The following RAB40B variants were observed in gnomAD, a reference collection of about 807,000 sequenced individuals.
The protein encoded by RAB40B is RAB40B, member RAS oncogene family.
A neutral mutation model predicts 24.0 loss-of-function variants in RAB40B; 21 were observed. The observed-to-expected ratio is 0.88, with a 90% CI of 0.62 to 1.26. The LOEUF is 1.26. Among genes scored for constraint, RAB40B ranks in the 50% most tolerant of loss-of-function variants. The pLI, the probability that RAB40B is intolerant of heterozygous loss-of-function variation, is 0.00. For missense variants in RAB40B, 348 were observed against 390.5 expected (o/e 0.89, Z 0.92); for synonymous variants, 167 against 169.8 (o/e 0.98, Z 0.13).
chr17:82,682,064 T>G (rs780172202), intron 1 of RAB40B, among the ~76,000 whole-genome samples: 27 of 151,982 alleles, frequency 1.8e-4, no homozygotes, highest in Non-Finnish European at 3.7e-4. Context: ...AGAAAAGGCA[T>G]GCAGATTAAA....
intron 1 of RAB40B, among the ~76,000 whole-genome samples, chr17:82,694,886 C>CA (rs1418143997): frequency 1.3e-5 from 2 of 151,456 alleles, no homozygotes; most frequent in East Asian, 1.9e-4. Flanking sequence ...TTCTCAGACA[C>CA]AAAAAAACAC....
At position 82,658,733 on chromosome 17, in the gene RAB40B, C is replaced by T. The variant is rs1321970211; in HGVS notation, c.343-20G>A. On this transcript the variant is annotated intron_variant, in intron 4 of 5. Coordinates refer to ENST00000571995, the MANE Select transcript of RAB40B (RefSeq NM_006822.3). Reference sequence around the variant, plus strand: ...GGCATGCTAGCGGGCAGGAGAAAGGCGAGGAGCATGGGTTACTTCAGTGAG... The same window carrying T: ...GGCATGCTAGCGGGCAGGAGAAAGGTGAGGAGCATGGGTTACTTCAGTGAG... 14 of 1,595,074 alleles carry T rather than the reference C, an allele frequency of 8.8e-6. No individual in the cohort carries two copies. The highest frequency in any genetic ancestry group is 1.7e-4 in the Middle Eastern group (1 of 5,964).
chr17:82,691,102 C>T (rs540315019), intron 1 of RAB40B, among the ~76,000 whole-genome samples: 23 of 152,340 alleles, frequency 1.5e-4, no homozygotes, highest in Admixed American at 7.2e-4. Context: ...GGTGTGTCCA[C>T]GCACCGTGTA....
In RAB40B at chr17:82,664,532, A is replaced by G. The variant is rs773717114; in HGVS notation, c.167T>C (p.Ile56Thr). 3 of 1,613,558 alleles carry G rather than the reference A, an allele frequency of 1.9e-6. No individual in the cohort carries two copies. The highest frequency in any genetic ancestry group is 1.7e-6 in the Non-Finnish European group (2 of 1,179,638). Residue 56 changes from isoleucine (I) to threonine (T), a missense_variant, in exon 2 of 6, where the codon ATC (isoleucine) becomes ACC (threonine). Physicochemically the swap from Ile to Thr is moderately conservative, Grantham distance 89 (BLOSUM62 -1). Coordinates refer to ENST00000571995, the MANE Select transcript of RAB40B (RefSeq NM_006822.3). The part of the protein sequence containing the change: ...PAGIDYKTTT[I>T]LLDGRRVKLQ... ...CTTCACCCGCCGCCCGTCCAGCAGG[A>G]TGGTGGTCGTCTTGTAGTCGATGCC...
At chr17:82,659,097 G>T in intron 4 of RAB40B, 1 of 261,750 alleles carries the variant, frequency 3.8e-6, no homozygotes. Context: ...TTTGGGCTCT[G>T]GCCTCCAGAA....
At position 82,675,822 on chromosome 17, in the gene RAB40B, T is replaced by TG. The variant is rs150990027; in HGVS notation, c.143-11267dup. On this transcript the variant is annotated intron_variant, in intron 1 of 5. Transcript: ENST00000571995. This position sits in a 1 kb window ranked among gnomAD's most constrained non-coding sequence, Gnocchi z 4.5. ...GGGGTTAGGTTTCAGCACCCGAATTTGGGGGGGTCACAAACATTCACTCTC... is the reference window on the plus strand; with the variant it reads ...GGGGTTAGGTTTCAGCACCCGAATTTGGGGGGGGTCACAAACATTCACTCTC... 0.01 allele frequency among the ~76,000 whole-genome samples: 1,566 copies of TG among 152,064 alleles called. 8 individuals carry two copies. The highest frequency in any genetic ancestry group is 0.031 in the Middle Eastern group (9 of 294).
At chr17:82,658,413 A>G (rs1008242660) in intron 5 of RAB40B, 78 bp downstream of exon 5, 23 of 1,495,610 alleles carry the variant, frequency 1.5e-5, no homozygotes, top group Non-Finnish European at 2.1e-5. Flanking sequence ...CGGGAGGCAG[A>G]CACTTATCCA....
At position 82,658,286 on chromosome 17, in the gene RAB40B, C is replaced by T. The variant is rs2046112471; in HGVS notation, c.566-152G>A. On this transcript the variant is annotated intron_variant, in intron 5 of 5. Coordinates refer to ENST00000571995, the MANE Select transcript of RAB40B (RefSeq NM_006822.3). ...GCAGCAAGCCCTGCCGCGACGTCCCCTCTGCCCACGTACAGATCCCAGGAG... is the reference window on the plus strand; with the variant it reads ...GCAGCAAGCCCTGCCGCGACGTCCCTTCTGCCCACGTACAGATCCCAGGAG... The T allele has an allele frequency of 3.4e-6, 4 of 1,167,174 alleles. No individual in the cohort carries two copies. In the South Asian group the frequency reaches 6.1e-5, roughly 18 times the overall value. The allele number at this position is 1,167,174 out of a possible 1,614,324, so 72.3% of individuals were successfully genotyped here.
intron 1 of RAB40B, among the ~76,000 whole-genome samples, chr17:82,680,129 G>A (rs892570321): frequency 6.6e-6 from 1 of 152,374 alleles, no homozygotes; most frequent in African/African-American, 2.4e-5. Flanking sequence ...CAGACCGGAG[G>A]CCTGGCAGGG....
At chr17:82,658,835 A>G (rs151142298) in intron 4 of RAB40B, 122 bp from the exon 5 acceptor site, 9,875 of 848,230 alleles carry the variant, frequency 0.012, 73 homozygotes, top group South Asian at 0.016. Context: ...GAACCTCAGC[A>G]TGGGACCTCG....
intron 1 of RAB40B, among the ~76,000 whole-genome samples, chr17:82,672,310 T>TCA (rs2046349440): frequency 7.6e-6 from 1 of 131,732 alleles, no homozygotes; most frequent in South Asian, 2.6e-4. Flanking sequence ...CTCCCTGTAC[T>TCA]GACACACCCC....
rs2046267697 is a variant in RAB40B at position 82,667,118 on chromosome 17, G to C, written c.143-2562C>G. ...TGTAGCCAGTGAGTGCCCAGAAACA[G>C]GCTCCTCTAAAAATGCGAGGCTGCG... On this transcript the variant is annotated intron_variant, in intron 1 of 5. Coordinates refer to ENST00000571995, the MANE Select transcript of RAB40B (RefSeq NM_006822.3). This position sits in a 1 kb window ranked among gnomAD's most constrained non-coding sequence, Gnocchi z 4.3. 2.0e-5 allele frequency among the ~76,000 whole-genome samples: 3 copies of C among 152,204 alleles called. No individual in the cohort carries two copies. In the South Asian group the frequency reaches 6.2e-4, roughly 31 times the overall value.
chr17:82,664,677 G>T lies in RAB40B; in HGVS notation c.143-121C>A. On this transcript the variant is annotated intron_variant, in intron 1 of 5. Transcript: ENST00000571995. ...CAACTTCCAGGTTTACAAGGCAGGC[G>T]GATGGGACCCCCTCCCTGTGTCTGC... The T allele has an allele frequency of 3.2e-6, 3 of 933,752 alleles. No individual in the cohort carries two copies. The South Asian group carries it at 4.7e-5, about 14-fold the overall frequency. 57.8% of individuals were successfully genotyped at this position (933,752 alleles called of 1,614,324 possible). A position where few individuals can be genotyped will look rare whatever the true frequency, so the allele number is the denominator to read the frequency against.
intron 1 of RAB40B, among the ~76,000 whole-genome samples, chr17:82,691,144 C>T (rs770515485): frequency 6.6e-6 from 1 of 152,146 alleles, no homozygotes; most frequent in Non-Finnish European, 1.5e-5. Context: ...CTCTCTGGGC[C>T]TCACAATATA....
chr17:82,670,061 C>G (rs923115849), intron 1 of RAB40B, among the ~76,000 whole-genome samples: 2 of 152,184 alleles, frequency 1.3e-5, no homozygotes, highest in Admixed American at 6.5e-5. Flanking sequence ...GGGACACTCA[C>G]CCCCACGGGC....
rs79922403 is a variant in RAB40B, at chr17:82,673,821, A to G, written c.143-9265T>C. On this transcript the variant is annotated intron_variant, in intron 1 of 5. Coordinates refer to ENST00000571995, the MANE Select transcript of RAB40B (RefSeq NM_006822.3). ...GAGACACAAATCTCAATTTTGGGGAACTTTCTTGGATAATTTGTTCTCTCC... is the reference window on the plus strand; with the variant it reads ...GAGACACAAATCTCAATTTTGGGGAGCTTTCTTGGATAATTTGTTCTCTCC... 4.4e-3 allele frequency among the ~76,000 whole-genome samples: 673 copies of G among 152,206 alleles called. 2 individuals are homozygous for G. The highest frequency in any genetic ancestry group is 6.3e-3 in the Non-Finnish European group (430 of 67,984).
chr17:82,688,064 C>T (rs1411232039), intron 1 of RAB40B, among the ~76,000 whole-genome samples: 1 of 151,920 alleles, frequency 6.6e-6, no homozygotes, highest in African/African-American at 2.4e-5. Context: ...AAGCCAGACC[C>T]GGTTTCAAAA....
intron 1 of RAB40B, among the ~76,000 whole-genome samples, chr17:82,685,537 A>AC (rs1393858575): frequency 3.9e-5 from 6 of 152,130 alleles, no homozygotes; most frequent in African/African-American, 1.4e-4. Flanking sequence ...GGCCCCAGGC[A>AC]CCCGGCCTGC....
chr17:82,675,971 C>G lies in RAB40B; in HGVS notation c.143-11415G>C, dbSNP rs2046389877. Among the ~76,000 whole-genome samples, 1 of 152,126 alleles carries G rather than the reference C, an allele frequency of 6.6e-6. No individual in the cohort carries two copies. Among genetic ancestry groups the G allele is most frequent in the Non-Finnish European group, 1.5e-5 (1 of 68,012 alleles). On this transcript the variant is annotated intron_variant, in intron 1 of 5. Transcript: ENST00000571995. This position sits in a 1 kb window ranked among gnomAD's most constrained non-coding sequence, Gnocchi z 4.5. ...CTGAAGCCCCTGGTACTCTGAGTCT[C>G]CTGGTACGGGACGGTGAGGACCCCA...
Sources: allele counts gnomAD v4.1 joint callset (sites outside exome capture counted in the v4.1 genomes callset), GRCh38; gene constraint gnomAD v4.1.1; non-coding constraint Gnocchi (gnomAD v3.1); transcripts MANE v1.5; gene names NCBI Gene and HGNC (gene_info 2026-07-23, HGNC 2026-07-21).